The following ELP3 variants were observed in gnomAD, a reference collection of about 807,000 sequenced individuals.
The protein encoded by ELP3 is elongator acetyltransferase complex subunit 3.
In ELP3, 56 loss-of-function variants were observed where a neutral mutation model predicts 74.9. The observed-to-expected ratio is 0.75, with a 90% confidence interval of 0.60 to 0.93. The LOEUF (loss-of-function observed/expected upper bound fraction) is 0.93. ELP3 is among the 40% of genes least tolerant of loss of function. ELP3 has a pLI of 0.00. For missense variants in ELP3, 573 were observed against 686.5 expected (o/e 0.83, Z 1.85); for synonymous variants, 222 against 239.8 (o/e 0.93, Z 0.68).
rs1813049212 is a variant in ELP3, at chr8:28,137,801, A to G, written c.1010A>G (p.Tyr337Cys). ...TATGAGCTTTGGAAATCAGGAAGAT[A>G]TAAGAGTTACTCTCCTAGTGACCTG... is the stretch of plus-strand genomic sequence containing the variant. Reference protein sequence around the residue: ...GLYELWKSGRYKSYSPSDLVE... With the variant: ...GLYELWKSGRCKSYSPSDLVE... The change falls in exon 10 of 15, where the codon TAT becomes TGT. Residue 337 changes from tyrosine (Y) to cysteine (C), a missense_variant. Physicochemically the swap from Tyr to Cys is radical, Grantham distance 194 (BLOSUM62 -2). Coordinates refer to ENST00000256398, the MANE Select transcript of ELP3 (RefSeq NM_018091.6). The G allele has an allele frequency of 6.2e-7, 1 of 1,614,166 alleles. No homozygotes were observed. The highest frequency in any genetic ancestry group is 1.3e-5 in the African/African-American group (1 of 75,046).
chr8:28,136,924 A>G (rs1813012616), intron 9 of ELP3, among the ~76,000 whole-genome samples: 1 of 152,242 alleles, frequency 6.6e-6, no homozygotes, highest in Admixed American at 6.5e-5. Context: ...AAAGAAAGAA[A>G]GCAGCCAGCT....
chr8:28,167,098 T>C (rs1284941403), intron 14 of ELP3, among the ~76,000 whole-genome samples: 1 of 152,226 alleles, frequency 6.6e-6, no homozygotes, highest in Non-Finnish European at 1.5e-5. Flanking sequence ...GATAGCCATT[T>C]TGTTTAAATC....
chr8:28,090,267 AG>A (rs950888285), upstream of ELP3: 75 of 399,930 alleles, frequency 1.9e-4, no homozygotes, highest in African/African-American at 1.4e-3. Flanking sequence ...CTGTGCAAGG[AG>A]GAGTGGCCAA....
chr8:28,173,566 A>G (rs1481890992), intron 14 of ELP3, among the ~76,000 whole-genome samples: 2 of 149,658 alleles, frequency 1.3e-5, no homozygotes. Flanking sequence ...TTTTTTTTTA[A>G]TTCTCTATCT....
intron 4 of ELP3, among the ~76,000 whole-genome samples, chr8:28,107,487 C>T (rs1347734932): frequency 6.6e-6 from 1 of 152,038 alleles, no homozygotes; most frequent in Non-Finnish European, 1.5e-5. Context: ...TTATACGTAA[C>T]CTTTAGATTT....
At position 28,101,974 on chromosome 8, in the gene ELP3, G is replaced by A. The variant is rs376376828; in HGVS notation, c.258+2008G>A. Among the ~76,000 whole-genome samples, 21 of 152,164 alleles carry A rather than the reference G, an allele frequency of 1.4e-4. No homozygotes were observed. The East Asian group carries it at 1.9e-3, about 14-fold the overall frequency. ...AACCTTTCAGCCTGACTGGCAAACC[G>A]AGGCTTCTGTGATACCACCCTCTCT... On this transcript the variant is annotated intron_variant, in intron 3 of 14. Transcript: ENST00000256398.
At chr8:28,184,830 A>G (rs972440376) in intron 14 of ELP3, among the ~76,000 whole-genome samples, 1 of 152,206 alleles carries the variant, frequency 6.6e-6, no homozygotes, top group African/African-American at 2.4e-5. Flanking sequence ...CCAAAAGGAA[A>G]TGTTAGAGAT....
At chr8:28,161,665 C>G (rs1814097546) in intron 13 of ELP3, among the ~76,000 whole-genome samples, 1 of 151,668 alleles carries the variant, frequency 6.6e-6, no homozygotes, top group Non-Finnish European at 1.5e-5. Flanking sequence ...GACATACTGC[C>G]CCAGACTTCC....
chr8:28,129,353 G>A, intron 7 of ELP3, 149 bp from the exon 8 acceptor site: 1 of 706,658 alleles, frequency 1.4e-6, no homozygotes, highest in African/African-American at 1.8e-5. Context: ...AAGTAGCAGA[G>A]CCAGGATTTG....
chr8:28,187,574 C>A (rs1192759375), intron 14 of ELP3, among the ~76,000 whole-genome samples: 1 of 152,216 alleles, frequency 6.6e-6, no homozygotes, highest in African/African-American at 2.4e-5. Context: ...GCACGCCCGT[C>A]TCAGGACTTT....
chr8:28,164,474 T>C (rs1399995947), intron 14 of ELP3, among the ~76,000 whole-genome samples: 1 of 152,200 alleles, frequency 6.6e-6, no homozygotes, highest in African/African-American at 2.4e-5. Context: ...GGGTTTCTTT[T>C]GGCAGTGGGT....
At chr8:28,148,536 A>G (rs1813518812) in intron 10 of ELP3, among the ~76,000 whole-genome samples, 1 of 152,206 alleles carries the variant, frequency 6.6e-6, no homozygotes, top group Non-Finnish European at 1.5e-5. Flanking sequence ...AAGACTTTCT[A>G]ACTGGATACC....
At chr8:28,123,204 A>T (rs1478432796) in intron 7 of ELP3, among the ~76,000 whole-genome samples, 1 of 152,196 alleles carries the variant, frequency 6.6e-6, no homozygotes, top group African/African-American at 2.4e-5. Flanking sequence ...ACACATTTTG[A>T]TATGGTGTAT....
chr8:28,112,737 T>G (rs970645473), intron 6 of ELP3: 3 of 240,042 alleles, frequency 1.2e-5, no homozygotes, highest in Admixed American at 5.5e-5. Flanking sequence ...CTTTCTAGTT[T>G]ATATTCTTCG....
At chr8:28,150,110 G>A (rs1183419872) in intron 10 of ELP3, among the ~76,000 whole-genome samples, 1 of 152,066 alleles carries the variant, frequency 6.6e-6, no homozygotes, top group African/African-American at 2.4e-5. Context: ...TGTCCTGTGT[G>A]TCATTGCTGT....
At chr8:28,187,035 C>T (rs1815267630) in intron 14 of ELP3, among the ~76,000 whole-genome samples, 1 of 152,198 alleles carries the variant, frequency 6.6e-6, no homozygotes, top group Non-Finnish European at 1.5e-5. Context: ...CTCCTGATTC[C>T]TCTTGCAAGC....
At chr8:28,145,959 G>A (rs1813416486) in intron 10 of ELP3, among the ~76,000 whole-genome samples, 2 of 152,068 alleles carry the variant, frequency 1.3e-5, no homozygotes, top group Admixed American at 1.3e-4. Flanking sequence ...AAGGGAGAAT[G>A]GAGGAAAGGA....
At chr8:28,145,551 T>C (rs547873069) in intron 10 of ELP3, among the ~76,000 whole-genome samples, 1 of 152,336 alleles carries the variant, frequency 6.6e-6, no homozygotes, top group Admixed American at 6.5e-5. Flanking sequence ...TAGTGGCAGC[T>C]TCCACCAATT....
Position 28,156,466 on chromosome 8 carries a change from C to T in ELP3, c.1191+434C>T, listed in dbSNP as rs1014865792. Among the ~76,000 whole-genome samples the T allele has an allele frequency of 3.9e-5, 6 of 152,176 alleles. No individual in the cohort carries two copies. In the South Asian group the frequency reaches 8.3e-4, roughly 21 times the overall value. ...CTCCTATCCCTCTGGCCATTGAAGT[C>T]CCTTCTTCGCTCACAGATATTTACT... On this transcript the variant is annotated intron_variant, in intron 11 of 14. Coordinates refer to ENST00000256398, the MANE Select transcript of ELP3 (RefSeq NM_018091.6).
Sources: gnomAD v4.1 joint callset for allele counts (sites outside exome capture counted in the v4.1 genomes callset) on GRCh38, gnomAD v4.1.1 for gene constraint, MANE v1.5 for transcripts, NCBI Gene and HGNC (gene_info 2026-07-23, HGNC 2026-07-21) for gene names.